The following DERPC variants were observed in gnomAD, a reference collection of about 807,000 sequenced individuals.
DERPC encodes DERPC proline and glycine rich nuclear protein.
In DERPC, 1 loss-of-function variant was observed where a neutral mutation model predicts 7.2. The ratio of observed to expected loss-of-function variants is 0.14; its 90% CI spans 0.05 to 0.66. DERPC has a LOEUF of 0.66. Ranked by LOEUF, DERPC falls within the 30% of genes least tolerant of loss-of-function variation. The pLI is 0.84. For missense variants in DERPC, 502 were observed against 299.4 expected, an observed-to-expected ratio of 1.68 and a Z score of -4.99; for synonymous variants, 185 against 117.6, an observed-to-expected ratio of 1.57 and a Z score of -3.71.
intron 1 of DERPC, among the ~76,000 whole-genome samples, chr16:69,122,151 C>T (rs955523188): frequency 1.3e-5 from 2 of 152,174 alleles, no homozygotes; most frequent in Admixed American, 6.5e-5. Flanking sequence ...CACATTTTAT[C>T]TTGTTCCTCT....
chr16:69,121,257 CCT>C, intron 2 of DERPC, 177 bp downstream of exon 2: 1 of 1,358,888 alleles, frequency 7.4e-7, no homozygotes, highest in South Asian at 1.3e-5. Context: ...GCCCAAAGGA[CCT>C]CTTTGTTGGA....
rs1476581404 is a variant in DERPC, at chr16:69,119,352, G to A, written c.1077C>T (p.Ala359=). The change falls in exon 3 of 3, where the codon GCC becomes GCT. Residue 359 remains alanine, a synonymous_variant. Coordinates refer to ENST00000519520, the MANE Select transcript of DERPC (RefSeq NM_001002847.4). ...SRPVGPMGVN[A]NPFPRGAGSS... ...AACCTGCTCCCCTGGGAAAGGGATT[G>A]GCATTTACCCCCATGGGGCCAACTG... is the stretch of plus-strand genomic sequence containing the variant. 1.4e-6 allele frequency: 1 copy of A among 703,092 alleles called. No individual in the cohort carries two copies. The highest frequency in any genetic ancestry group is 1.5e-5 in the South Asian group (1 of 67,596). The allele number at this position is 703,092 out of a possible 1,614,324, so 43.6% of individuals were successfully genotyped here. A position where few individuals can be genotyped will look rare whatever the true frequency, so the allele number is the denominator to read the frequency against.
chr16:69,123,262 G>A (rs1961814445), intron 1 of DERPC, among the ~76,000 whole-genome samples: 1 of 152,116 alleles, frequency 6.6e-6, no homozygotes, highest in Non-Finnish European at 1.5e-5. Flanking sequence ...TCTTAAAAAA[G>A]CCTATGGAGT....
At chr16:69,130,081 C>A (rs112137117) in intron 1 of DERPC, among the ~76,000 whole-genome samples, 17 of 152,320 alleles carry the variant, frequency 1.1e-4, no homozygotes, top group African/African-American at 3.6e-4. Context: ...CCTCTGGTCT[C>A]TGAATTGTTA....
rs1220194471 is a variant in DERPC at position 69,118,738 on chromosome 16, G to C, written c.*116C>G. 1.1e-5 allele frequency: 7 copies of C among 639,766 alleles called. No individual in the cohort carries two copies. Among genetic ancestry groups the C allele is most frequent in the Non-Finnish European group, 2.0e-5 (7 of 356,804 alleles). 39.6% of individuals were successfully genotyped at this position (639,766 alleles called of 1,614,324 possible). A position where few individuals can be genotyped will look rare whatever the true frequency, so the allele number is the denominator to read the frequency against. ...GGAAAAAGATGGCTCATTTGAACTT[G>C]AGCCCAAGCTATGTTCTTCAGACTG... On this transcript the variant is annotated 3_prime_UTR_variant, in exon 3 of 3. Coordinates refer to ENST00000519520, the MANE Select transcript of DERPC (RefSeq NM_001002847.4).
chr16:69,128,848 G>T (rs1016021068), intron 1 of DERPC, among the ~76,000 whole-genome samples: 3 of 152,082 alleles, frequency 2.0e-5, no homozygotes, highest in Non-Finnish European at 4.4e-5. Flanking sequence ...GGTAGATCAT[G>T]AAGTCATGAG....
At chr16:69,131,925 T>C (rs1039509233) in intron 1 of DERPC, among the ~76,000 whole-genome samples, 1 of 150,770 alleles carries the variant, frequency 6.6e-6, no homozygotes, top group African/African-American at 2.4e-5. Flanking sequence ...CCCTCCACGA[T>C]TACAAATGTT....
intron 1 of DERPC, among the ~76,000 whole-genome samples, chr16:69,128,626 C>T (rs1962263583): frequency 6.6e-6 from 1 of 152,140 alleles, no homozygotes; most frequent in South Asian, 2.1e-4. Flanking sequence ...CTCAAAAAGG[C>T]ACCAGCATTC....
At chr16:69,124,473 G>C (rs983510827) in intron 1 of DERPC, among the ~76,000 whole-genome samples, 11 of 152,124 alleles carry the variant, frequency 7.2e-5, no homozygotes, top group African/African-American at 2.7e-4. Context: ...GCCCAGGCTG[G>C]AGTGCAGTGG....
At chr16:69,130,016 G>C (rs530109794) in intron 1 of DERPC, among the ~76,000 whole-genome samples, 4 of 152,340 alleles carry the variant, frequency 2.6e-5, no homozygotes, top group African/African-American at 9.6e-5. Flanking sequence ...CAAGAGAATA[G>C]AGGACATTCT....
chr16:69,118,147 ATTCCC>A lies in DERPC; in HGVS notation c.*702_*706del. On this transcript the variant is annotated 3_prime_UTR_variant, in exon 3 of 3. Transcript: ENST00000519520. ...CCCCCACCCCCACCCTAATTCCCAT[ATTCCC>A]ATCCACATCAGTTTAAATTTTGAGG... 2 of 489,836 alleles carry A rather than the reference ATTCCC, an allele frequency of 4.1e-6. No homozygotes were observed. Among genetic ancestry groups the A allele is most frequent in the Non-Finnish European group, 7.2e-6 (2 of 276,186 alleles). 30.3% of individuals were successfully genotyped at this position (489,836 alleles called of 1,614,324 possible).
chr16:69,131,666 A>C lies in DERPC; in HGVS notation c.-280+818T>G, dbSNP rs1962532092. Among the ~76,000 whole-genome samples the C allele has an allele frequency of 2.2e-5, 3 of 138,154 alleles. No homozygotes were observed. The Admixed American group carries it at 2.3e-4, about 10-fold the overall frequency. 90.6% of individuals were successfully genotyped at this position (138,154 alleles called of 152,430 possible). ...TAACCCCTTTTCCTGCCTCCCAGGGAAACTATTCTTTAAACCGCCTTCCTC... is the reference window on the plus strand; with the variant it reads ...TAACCCCTTTTCCTGCCTCCCAGGGCAACTATTCTTTAAACCGCCTTCCTC... On this transcript the variant is annotated intron_variant, in intron 1 of 2. Coordinates refer to ENST00000519520, the MANE Select transcript of DERPC (RefSeq NM_001002847.4).
Position 69,118,511 on chromosome 16 carries a change from C to G in DERPC, c.*343G>C. ...GGGACTACATGTGAACTGGGACCTG[C>G]AGGCCAATGTATCCCTGAGGAAAAG... On this transcript the variant is annotated 3_prime_UTR_variant, in exon 3 of 3. Coordinates refer to ENST00000519520, the MANE Select transcript of DERPC (RefSeq NM_001002847.4). 9.4e-7 allele frequency: 1 copy of G among 1,060,438 alleles called. No individual in the cohort carries two copies. Among genetic ancestry groups the G allele is most frequent in the Non-Finnish European group, 1.5e-6 (1 of 674,284 alleles). 65.7% of individuals were successfully genotyped at this position (1,060,438 alleles called of 1,614,324 possible).
At chr16:69,123,685 A>C (rs1328372090) in intron 1 of DERPC, among the ~76,000 whole-genome samples, 1 of 152,196 alleles carries the variant, frequency 6.6e-6, no homozygotes, top group African/African-American at 2.4e-5. Flanking sequence ...AAGGGAACTG[A>C]GAAAGTCCTC....
intron 1 of DERPC, among the ~76,000 whole-genome samples, chr16:69,127,091 A>C (rs1236488500): frequency 6.6e-6 from 1 of 152,106 alleles, no homozygotes; most frequent in African/African-American, 2.4e-5. Context: ...TACAAAAATT[A>C]GCCGCGCGTG....
chr16:69,127,983 C>G (rs563554317), intron 1 of DERPC, among the ~76,000 whole-genome samples: 3 of 151,938 alleles, frequency 2.0e-5, no homozygotes, highest in East Asian at 3.9e-4. Flanking sequence ...GGCGCAATCT[C>G]GGCTCACTGC....
At position 69,119,616 on chromosome 16, in the gene DERPC, T is replaced by C. The variant is rs796123800; in HGVS notation, c.813A>G (p.Gln271=). 5 of 694,080 alleles carry C rather than the reference T, an allele frequency of 7.2e-6. No homozygotes were observed. The highest frequency in any genetic ancestry group is 1.1e-5 in the Non-Finnish European group (4 of 379,818). 43.0% of individuals were successfully genotyped at this position (694,080 alleles called of 1,614,324 possible). Residue 271 remains glutamine, a synonymous_variant, in exon 3 of 3, where the codon CAA becomes CAG. Coordinates refer to ENST00000519520, the MANE Select transcript of DERPC (RefSeq NM_001002847.4). ...TTAGAATGGGGGCAAGATCGAGGCC[T>C]TGAGGTCCAGCCATTCTTAAGTTAA... is the stretch of plus-strand genomic sequence containing the variant. ...SGLNLRMAGP[Q]GLDLAPILRA...
intron 2 of DERPC, chr16:69,121,047 C>T (rs2152266710): frequency 1.2e-6 from 2 of 1,611,706 alleles, no homozygotes; most frequent in East Asian, 2.2e-5. Context: ...AGAAAAGCCC[C>T]CTCACCTCAG....
intron 1 of DERPC, among the ~76,000 whole-genome samples, chr16:69,129,088 A>T (rs1253560001): frequency 6.6e-6 from 1 of 150,462 alleles, no homozygotes; most frequent in African/African-American, 2.5e-5. Context: ...CTGAAACAAA[A>T]CAAAAAAAAA....
Sources: gnomAD v4.1 joint callset for allele counts (sites outside exome capture counted in the v4.1 genomes callset) on GRCh38, gnomAD v4.1.1 for gene constraint, MANE v1.5 for transcripts, NCBI Gene and HGNC (gene_info 2026-07-23, HGNC 2026-07-21) for gene names.